RAD51B: variants seen among roughly 807,000 people sequenced by gnomAD.
RAD51B encodes RAD51 paralog B, also known as DNA repair protein RAD51 homolog 2.
A neutral mutation model predicts 42.2 loss-of-function variants in RAD51B; 38 were observed. The ratio of observed to expected loss-of-function variants is 0.90; its 90% CI spans 0.70 to 1.18. The LOEUF (loss-of-function observed/expected upper bound fraction) is 1.18, where lower values mean the gene tolerates loss of function less well. RAD51B is among the 50% of genes most tolerant of loss of function. The pLI, the probability that RAD51B is intolerant of heterozygous loss-of-function variation, is 0.00. For missense variants in RAD51B, 373 were observed against 400.7 expected (o/e 0.93, Z 0.59); for synonymous variants, 154 against 145.2 (o/e 1.06, Z -0.43).
intron 7 of RAD51B, among the ~76,000 whole-genome samples, chr14:68,262,723 T>C (rs564330026): frequency 2.0e-5 from 3 of 152,292 alleles, no homozygotes; most frequent in African/African-American, 7.2e-5. Context: ...TTCTCTTACT[T>C]TCCCCCTGCC....
chr14:68,262,176 G>A (rs1009278255), intron 7 of RAD51B, among the ~76,000 whole-genome samples: 10 of 152,208 alleles, frequency 6.6e-5, no homozygotes, highest in African/African-American at 2.4e-4. Context: ...TGATGTTGTA[G>A]ACAGAGTAGG....
chr14:68,208,672 C>T (rs2079642871), intron 7 of RAD51B, among the ~76,000 whole-genome samples: 1 of 152,186 alleles, frequency 6.6e-6, no homozygotes, highest in African/African-American at 2.4e-5. Context: ...CACCAAGGCT[C>T]AGAGAGATAA....
intron 8 of RAD51B, among the ~76,000 whole-genome samples, chr14:68,299,574 T>C (rs1292730511): frequency 2.0e-5 from 3 of 152,098 alleles, no homozygotes; most frequent in Admixed American, 6.5e-5. Context: ...ATCCATGGAT[T>C]TTGGTGTCTG....
intron 7 of RAD51B, among the ~76,000 whole-genome samples, chr14:68,123,191 C>CTTT (rs541886088): frequency 5.3e-4 from 67 of 125,418 alleles, no homozygotes; most frequent in Non-Finnish European, 6.2e-4. Context: ...TTCTTTCTTT[C>CTTT]TTTTTTTTTT....
chr14:68,665,217 G>A (rs1054776674), intron 11 of RAD51B, among the ~76,000 whole-genome samples: 7 of 152,258 alleles, frequency 4.6e-5, no homozygotes, highest in African/African-American at 7.2e-5. Flanking sequence ...GCCTGGCCCC[G>A]GAGGGCAATG....
chr14:68,180,662 G>T (rs942154084), intron 7 of RAD51B, among the ~76,000 whole-genome samples: 6 of 152,220 alleles, frequency 3.9e-5, no homozygotes, highest in Non-Finnish European at 8.8e-5. Context: ...TGCAGAGCCA[G>T]AATGCAAAAC....
chr14:67,827,045 A>G (rs1026170138), intron 3 of RAD51B, among the ~76,000 whole-genome samples: 13 of 152,200 alleles, frequency 8.5e-5, no homozygotes, highest in African/African-American at 3.1e-4. Flanking sequence ...TAAAGACAGG[A>G]TAGTCAGAAG....
chr14:67,822,991 A>C (rs1413553512), intron 1 of RAD51B, among the ~76,000 whole-genome samples: 1 of 152,204 alleles, frequency 6.6e-6, no homozygotes, highest in African/African-American at 2.4e-5. Flanking sequence ...TATGTAAAAA[A>C]GGGGCCAATA....
chr14:68,595,638 T>C, exon 11 of RAD51B: 1 of 1,047,290 alleles, frequency 9.5e-7, no homozygotes, highest in Non-Finnish European at 1.2e-6. Context: ...TTGTGTTATT[T>C]ATACTAGCAA....
intron 7 of RAD51B, among the ~76,000 whole-genome samples, chr14:67,961,948 A>T (rs916631536): frequency 9.2e-5 from 14 of 152,208 alleles, no homozygotes; most frequent in Non-Finnish European, 2.9e-5. Flanking sequence ...ATGTATATGC[A>T]CACATACACA....
At chr14:68,482,222 A>T (rs149850230), downstream of RAD51B, among the ~76,000 whole-genome samples, 27 of 134,710 alleles carry the variant, frequency 2.0e-4, no homozygotes, top group East Asian at 4.4e-3. Flanking sequence ...TCAAAGTTCA[A>T]CTTTGTCTCC....
intron 8 of RAD51B, among the ~76,000 whole-genome samples, chr14:68,349,869 G>T (rs1648738265): frequency 1.3e-5 from 2 of 152,162 alleles, no homozygotes; most frequent in South Asian, 4.1e-4. Context: ...GCATGGAAAG[G>T]CTAAGTAAAA....
intron 10 of RAD51B, among the ~76,000 whole-genome samples, chr14:68,498,955 A>T (rs931714911): frequency 6.6e-6 from 1 of 152,188 alleles, no homozygotes; most frequent in African/African-American, 2.4e-5. Flanking sequence ...ATGGTTGAAT[A>T]AGGGGCTGAA....
At chr14:68,554,907 G>A in intron 10 of RAD51B, among the ~76,000 whole-genome samples, 1 of 150,642 alleles carries the variant, frequency 6.6e-6, no homozygotes, top group South Asian at 2.1e-4. Flanking sequence ...GGAGTGCAGT[G>A]GCATAATCTC....
chr14:68,396,098 G>A (rs188917841), intron 8 of RAD51B, among the ~76,000 whole-genome samples: 5 of 152,246 alleles, frequency 3.3e-5, no homozygotes, highest in Admixed American at 6.5e-5. Context: ...CACGGGCACC[G>A]GCAGAGTTGG....
chr14:67,885,401 A>G (rs1228121597), intron 5 of RAD51B, among the ~76,000 whole-genome samples: 1 of 152,222 alleles, frequency 6.6e-6, no homozygotes, highest in East Asian at 1.9e-4. Flanking sequence ...CATAGCATTA[A>G]TTTGCATGAA....
chr14:67,950,712 T>C (rs2074428041), intron 7 of RAD51B, among the ~76,000 whole-genome samples: 1 of 152,232 alleles, frequency 6.6e-6, no homozygotes, highest in Non-Finnish European at 1.5e-5. Flanking sequence ...TCCTCATTAA[T>C]CTTAATTATT....
At chr14:68,568,182 A>T (rs1182439170) in intron 10 of RAD51B, among the ~76,000 whole-genome samples, 1 of 152,248 alleles carries the variant, frequency 6.6e-6, no homozygotes, top group Non-Finnish European at 1.5e-5. Context: ...TGCGACACAG[A>T]AAGGTAAGCA....
chr14:68,367,102 A>G (rs1016464360), intron 8 of RAD51B, among the ~76,000 whole-genome samples: 3 of 152,258 alleles, frequency 2.0e-5, no homozygotes, highest in African/African-American at 7.2e-5. Flanking sequence ...TCTTTATAAA[A>G]TGCAGGAAGG....
Sources: allele counts gnomAD v4.1 joint callset (sites outside exome capture counted in the v4.1 genomes callset), GRCh38; gene constraint gnomAD v4.1.1; transcripts MANE v1.5; gene names NCBI Gene and HGNC (gene_info 2026-07-23, HGNC 2026-07-21).